The following C6orf118 variants were observed in gnomAD, a reference collection of about 807,000 sequenced individuals.
C6orf118 encodes the protein chromosome 6 open reading frame 118.
C6orf118 carries 50 observed loss-of-function variants against 50.2 expected under a neutral mutation model. The observed-to-expected ratio is 1.00, with a 90% CI of 0.79 to 1.26. The LOEUF (loss-of-function observed/expected upper bound fraction) is 1.26. C6orf118 is among the 50% of genes most tolerant of loss of function. The pLI is 0.00. For missense variants in C6orf118, 641 were observed against 578.7 expected (o/e 1.11, Z -1.10); for synonymous variants, 239 against 230.9 (o/e 1.03, Z -0.32).
At chr6:165,291,556 G>A (rs1780106779) in intron 6 of C6orf118, among the ~76,000 whole-genome samples, 1 of 152,066 alleles carries the variant, frequency 6.6e-6, no homozygotes. Context: ...GAGATGATGA[G>A]TTTAATCTCG....
At chr6:165,294,360 T>A (rs1780220674) in intron 5 of C6orf118, among the ~76,000 whole-genome samples, 1 of 151,636 alleles carries the variant, frequency 6.6e-6, no homozygotes, top group Non-Finnish European at 1.5e-5. Context: ...TGGTTCAGAG[T>A]AACCTACATC....
intron 8 of C6orf118, 57 bp from the exon 9 acceptor site, chr6:165,280,167 A>G: frequency 7.9e-7 from 1 of 1,267,700 alleles, no homozygotes; most frequent in East Asian, 2.5e-5. Flanking sequence ...TTAAGCATGA[A>G]ATAAAATTTC....
intron 7 of C6orf118, among the ~76,000 whole-genome samples, chr6:165,284,885 C>T (rs1436897835): frequency 6.6e-6 from 1 of 151,776 alleles, no homozygotes; most frequent in Non-Finnish European, 1.5e-5. Context: ...AGACCAATGA[C>T]ACTATGAAGG....
At chr6:165,280,437 ACTCTATTCC>A (rs1201677514) in intron 8 of C6orf118, among the ~76,000 whole-genome samples, 6 of 151,996 alleles carry the variant, frequency 3.9e-5, no homozygotes, top group Non-Finnish European at 5.9e-5. Flanking sequence ...TGTATTTGTA[ACTCTATTCC>A]CTCTTTTTAA....
intron 5 of C6orf118, among the ~76,000 whole-genome samples, chr6:165,296,503 A>G (rs1583016475): frequency 1.3e-5 from 2 of 152,104 alleles, no homozygotes; most frequent in Admixed American, 1.3e-4. Flanking sequence ...TGTAGGGGCC[A>G]TGAGAATATG....
At chr6:165,301,121 C>T (rs953215713) in intron 2 of C6orf118, among the ~76,000 whole-genome samples, 2 of 152,252 alleles carry the variant, frequency 1.3e-5, no homozygotes, top group African/African-American at 4.8e-5. Context: ...TCCCAGAAGG[C>T]GCCCTCCTTC....
intron 7 of C6orf118, among the ~76,000 whole-genome samples, chr6:165,282,182 T>C (rs1016259782): frequency 2.0e-5 from 3 of 152,256 alleles, no homozygotes; most frequent in African/African-American, 7.2e-5. Context: ...TAAGTAAGTA[T>C]AAAATAATCC....
chr6:165,283,488 C>A (rs770489026), intron 7 of C6orf118, among the ~76,000 whole-genome samples: 17 of 152,210 alleles, frequency 1.1e-4, no homozygotes, highest in Non-Finnish European at 2.2e-4. Context: ...AAGGGGCAGT[C>A]AGAGTGCTTC....
Position 165,301,653 on chromosome 6 carries a change from C to T in C6orf118, c.669G>A (p.Lys223=), listed in dbSNP as rs1377829621. The change falls in exon 2 of 9, where the codon AAG becomes AAA. Residue 223 remains lysine (K), a synonymous_variant. Transcript: ENST00000230301. ...DRYRMFLRFQ[K]EVLAKQDLLK... Reference sequence around the variant, plus strand: ...GGAGATCTTGCTTGGCGAGCACTTCCTTCTGGAAACGCAGGAACATCCTGT... The same window carrying T: ...GGAGATCTTGCTTGGCGAGCACTTCTTTCTGGAAACGCAGGAACATCCTGT... 2.5e-6 allele frequency: 4 copies of T among 1,614,048 alleles called. No homozygotes were observed. Among genetic ancestry groups the T allele is most frequent in the Non-Finnish European group, 3.4e-6 (4 of 1,180,030 alleles).
At chr6:165,298,378 G>A (rs12055415) in intron 4 of C6orf118, among the ~76,000 whole-genome samples, 7 of 152,120 alleles carry the variant, frequency 4.6e-5, no homozygotes, top group African/African-American at 7.2e-5. Flanking sequence ...TGGCCCGTGT[G>A]GGGGGAAGGA....
chr6:165,285,674 A>G (rs1451287465), intron 7 of C6orf118, among the ~76,000 whole-genome samples: 1 of 152,166 alleles, frequency 6.6e-6, no homozygotes, highest in Admixed American at 6.6e-5. Context: ...CTGCTCCTGA[A>G]TGACTCCTGA....
chr6:165,290,146 A>G (rs200533491), intron 6 of C6orf118, 79 bp from the exon 7 acceptor site: 17,906 of 661,884 alleles, frequency 0.027, 877 homozygotes, highest in East Asian at 0.18. Flanking sequence ...ATTATTAACA[A>G]TATTATGTAT....
intron 7 of C6orf118, among the ~76,000 whole-genome samples, chr6:165,282,911 T>C (rs1046235290): frequency 1.2e-4 from 18 of 152,168 alleles, no homozygotes; most frequent in Admixed American, 8.5e-4. Flanking sequence ...TATATCATGC[T>C]TCAATATTTA....
chr6:165,297,038 G>A (rs148408551), intron 5 of C6orf118, among the ~76,000 whole-genome samples: 8 of 152,274 alleles, frequency 5.3e-5, no homozygotes, highest in African/African-American at 1.4e-4. Flanking sequence ...ATCCCATGAA[G>A]GGTACCCTGA....
At chr6:165,297,876 A>C in intron 5 of C6orf118, 101 bp downstream of exon 5, 1 of 1,523,070 alleles carries the variant, frequency 6.6e-7, no homozygotes, top group Non-Finnish European at 9.0e-7. Context: ...GCATGTTTTC[A>C]GCAACGCAGA....
chr6:165,301,906 G>A lies in C6orf118; in HGVS notation c.416C>T (p.Ser139Phe), dbSNP rs1326069961. The A allele has an allele frequency of 3.1e-6, 5 of 1,613,746 alleles. No individual in the cohort carries two copies. Among genetic ancestry groups the A allele is most frequent in the Non-Finnish European group, 3.4e-6 (4 of 1,180,030 alleles). Residue 139 changes from serine (S) to phenylalanine (F), a missense_variant, in exon 2 of 9, where the codon TCC becomes TTC. Coordinates refer to ENST00000230301, the MANE Select transcript of C6orf118 (RefSeq NM_144980.4). ...FRYLNPQASL[S>F]HTSEEDFLPV... ...AAGGAAATCCTCCTCTGAAGTGTGG[G>A]AAAGAGAGGCCTGGGGGTTCAGGTA...
intron 7 of C6orf118, among the ~76,000 whole-genome samples, chr6:165,288,621 C>T (rs148235418): frequency 0.021 from 3,204 of 152,152 alleles, 117 homozygotes; most frequent in African/African-American, 0.074. Flanking sequence ...GGAATGAGAG[C>T]ATGTCCTTTG....
chr6:165,289,890 A>G lies in C6orf118; in HGVS notation c.1298T>C (p.Ile433Thr), dbSNP rs771949813. The change falls in exon 7 of 9, where the codon ATA becomes ACA. Residue 433 changes from isoleucine to threonine, a missense_variant. Transcript: ENST00000230301. ...TTAAATAAATAAGTTGCGTACCTCTATGCTTTTAATCCTATTCTCAGTGAT... is the reference window on the plus strand; with the variant it reads ...TTAAATAAATAAGTTGCGTACCTCTGTGCTTTTAATCCTATTCTCAGTGAT... ...SDITENRIKS[I>T]EHEAIQLETE... The G allele has an allele frequency of 1.3e-6, 2 of 1,585,312 alleles. No homozygotes were observed. The highest frequency in any genetic ancestry group is 1.4e-5 in the African/African-American group (1 of 73,390).
Position 165,301,936 on chromosome 6 carries a change from A to G in C6orf118, c.386T>C (p.Phe129Ser), listed in dbSNP as rs767918993. 2 of 1,613,766 alleles carry G rather than the reference A, an allele frequency of 1.2e-6. No homozygotes were observed. Among genetic ancestry groups the G allele is most frequent in the Admixed American group, 3.3e-5 (2 of 60,022 alleles). ...AGAGGCCTGGGGGTTCAGGTACCTG[A>G]ACAGCGGGGTGTCCTGGGCCTCACT... ...VPSEAQDTPL[F>S]RYLNPQASLS... is the part of the protein sequence containing the mutation. Residue 129 changes from phenylalanine (F) to serine (S), a missense_variant, in exon 2 of 9, where the codon TTC (phenylalanine) becomes TCC (serine). Coordinates refer to ENST00000230301, the MANE Select transcript of C6orf118 (RefSeq NM_144980.4).
Sources: gnomAD v4.1 joint callset for allele counts (sites outside exome capture counted in the v4.1 genomes callset) on GRCh38, gnomAD v4.1.1 for gene constraint, MANE v1.5 for transcripts, NCBI Gene and HGNC (gene_info 2026-07-23, HGNC 2026-07-21) for gene names.